MRPS33: variants seen among roughly 807,000 people sequenced by gnomAD.
MRPS33 encodes the protein mitochondrial ribosomal protein S33.
A neutral mutation model predicts 11.2 loss-of-function variants in MRPS33; 11 were observed. The ratio of observed to expected loss-of-function variants is 0.99; its 90% CI spans 0.62 to 1.63. The LOEUF is 1.63. Ranked by LOEUF, MRPS33 falls within the 40% of genes most tolerant of loss-of-function variation. MRPS33 has a pLI of 0.00. For missense variants in MRPS33, 109 were observed against 127.8 expected, an observed-to-expected ratio of 0.85 and a Z score of 0.71; for synonymous variants, 46 against 44.0, an observed-to-expected ratio of 1.05 and a Z score of -0.18.
At chr7:141,012,192 A>AAAAAAAAAAAAAAAC (rs1465577337) in intron 1 of MRPS33, among the ~76,000 whole-genome samples, 1 of 148,512 alleles carries the variant, frequency 6.7e-6, no homozygotes, top group African/African-American at 2.5e-5. Flanking sequence ...AAAAAAAAAA[A>AAAAAAAAAAAAAAAC]AAGCAGAGGC....
intron 2 of MRPS33, chr7:141,010,218 C>A: frequency 1.7e-6 from 1 of 571,954 alleles, no homozygotes; most frequent in Non-Finnish European, 3.1e-6. Flanking sequence ...TATCTTCCAA[C>A]AAGCATGAAT....
In MRPS33 at chr7:141,003,059, A is replaced by C. The variant is rs1054062800; in HGVS notation, c.*3371T>G. The C allele has an allele frequency of 6.6e-6, 1 of 152,330 alleles. No individual in the cohort carries two copies. The highest frequency in any genetic ancestry group is 1.5e-5 in the Non-Finnish European group (1 of 68,130). 9.4% of individuals were successfully genotyped at this position (152,330 alleles called of 1,614,324 possible). A position where few individuals can be genotyped will look rare whatever the true frequency, so the allele number is the denominator to read the frequency against. On this transcript the variant is annotated 3_prime_UTR_variant, in exon 3 of 3. Coordinates refer to ENST00000324787, the MANE Select transcript of MRPS33 (RefSeq NM_053035.3). Reference sequence around the variant, plus strand: ...GAGAAGTAACTGACGTCACATAATCAGTAAGTACACTGTATCACAAACCCA... The same window carrying C: ...GAGAAGTAACTGACGTCACATAATCCGTAAGTACACTGTATCACAAACCCA...
rs1472449995 is a variant in MRPS33 at position 141,006,282 on chromosome 7, GGATTA to G, written c.*143_*147del. The G allele has an allele frequency of 1.6e-5, 11 of 701,280 alleles. No individual in the cohort carries two copies. Among genetic ancestry groups the G allele is most frequent in the Non-Finnish European group, 2.6e-5 (11 of 420,360 alleles). The allele number at this position is 701,280 out of a possible 1,614,324, so 43.4% of individuals were successfully genotyped here. ...TCAAGAAACCAGCCACAATGTAACCGGATTAGATTTCACCAAGGAGATGACTGTGT... is the reference window on the plus strand; with the variant it reads ...TCAAGAAACCAGCCACAATGTAACCGGATTTCACCAAGGAGATGACTGTGT... On this transcript the variant is annotated 3_prime_UTR_variant, in exon 3 of 3. Coordinates refer to ENST00000324787, the MANE Select transcript of MRPS33 (RefSeq NM_053035.3).
At chr7:141,013,955 A>T (rs1820739807) in intron 1 of MRPS33, among the ~76,000 whole-genome samples, 1 of 152,168 alleles carries the variant, frequency 6.6e-6, no homozygotes, top group Non-Finnish European at 1.5e-5. Context: ...CGTTTTGAAA[A>T]CAGTGGAAGT....
chr7:141,011,048 A>G (rs38739), intron 1 of MRPS33, among the ~76,000 whole-genome samples: 9,686 of 152,310 alleles, frequency 0.064, 331 homozygotes, highest in Middle Eastern at 0.11. Flanking sequence ...AGCAATCTGC[A>G]GCATTAATAT....
At chr7:141,012,328 C>T (rs1203902585) in intron 1 of MRPS33, among the ~76,000 whole-genome samples, 1 of 152,156 alleles carries the variant, frequency 6.6e-6, no homozygotes, top group Non-Finnish European at 1.5e-5. Context: ...CCTCCCTCCC[C>T]ACCATCTGCA....
intron 1 of MRPS33, among the ~76,000 whole-genome samples, chr7:141,011,537 G>A (rs1044581131): frequency 1.3e-5 from 2 of 152,070 alleles, no homozygotes; most frequent in Non-Finnish European, 2.9e-5. Flanking sequence ...GAAAGCTGCT[G>A]GTGGAATAAC....
At chr7:141,012,142 A>G (rs1820688588) in intron 1 of MRPS33, among the ~76,000 whole-genome samples, 1 of 128,370 alleles carries the variant, frequency 7.8e-6, no homozygotes, top group Non-Finnish European at 1.6e-5. Context: ...ACTGTACTCT[A>G]TAGCCTGAGT....
At position 141,003,761 on chromosome 7, in the gene MRPS33, A is replaced by T. The variant is rs1246282405; in HGVS notation, c.*2669T>A. On this transcript the variant is annotated 3_prime_UTR_variant, in exon 3 of 3. Coordinates refer to ENST00000324787, the MANE Select transcript of MRPS33 (RefSeq NM_053035.3). ...ATAATTCAAACATCTGCTGAGCTAC[A>T]TTGGGTTCAGGCTGAGATCCTGTTT... is the stretch of plus-strand genomic sequence containing the variant. 6.6e-6 allele frequency: 1 copy of T among 152,256 alleles called. No homozygotes were observed. 9.4% of individuals were successfully genotyped at this position (152,256 alleles called of 1,614,324 possible). A position where few individuals can be genotyped will look rare whatever the true frequency, so the allele number is the denominator to read the frequency against.
chr7:141,011,543 A>G (rs1820674198), intron 1 of MRPS33, among the ~76,000 whole-genome samples: 1 of 152,206 alleles, frequency 6.6e-6, no homozygotes, highest in Non-Finnish European at 1.5e-5. Flanking sequence ...TGCTGGTGGA[A>G]TAACTATCTC....
At chr7:141,012,650 T>C (rs1363185447) in intron 1 of MRPS33, among the ~76,000 whole-genome samples, 1 of 152,244 alleles carries the variant, frequency 6.6e-6, no homozygotes, top group Non-Finnish European at 1.5e-5. Flanking sequence ...TTTGCTTAAT[T>C]ACCATTGTGG....
At chr7:141,014,323 G>C (rs891671749) in intron 1 of MRPS33, 2 of 152,108 alleles carry the variant, frequency 1.3e-5, no homozygotes, top group African/African-American at 4.8e-5. Flanking sequence ...AATCTCAACA[G>C]AATGCTTAAA....
intron 1 of MRPS33, among the ~76,000 whole-genome samples, chr7:141,011,205 G>C (rs922526199): frequency 1.3e-5 from 2 of 152,110 alleles, no homozygotes; most frequent in South Asian, 4.1e-4. Context: ...TGGCTTCTAG[G>C]TTACTGAACT....
intron 1 of MRPS33, among the ~76,000 whole-genome samples, chr7:141,012,401 T>C (rs531769035): frequency 6.6e-6 from 1 of 152,258 alleles, no homozygotes; most frequent in South Asian, 2.1e-4. Flanking sequence ...ATTCACTTCT[T>C]TGCCAACTCT....
intron 1 of MRPS33, among the ~76,000 whole-genome samples, chr7:141,011,884 A>C (rs1462409050): frequency 1.3e-5 from 2 of 152,208 alleles, no homozygotes; most frequent in South Asian, 2.1e-4. Flanking sequence ...ATGGTAGCTC[A>C]TGCCTATAAT....
intron 1 of MRPS33, among the ~76,000 whole-genome samples, chr7:141,011,436 C>T (rs960309475): frequency 6.6e-6 from 1 of 152,128 alleles, no homozygotes; most frequent in African/African-American, 2.4e-5. Flanking sequence ...AGACATACAA[C>T]ACTGAAATGG....
chr7:141,012,173 C>CAAGAAAAAA (rs1820690972), intron 1 of MRPS33, among the ~76,000 whole-genome samples: 2 of 58,782 alleles, frequency 3.4e-5, no homozygotes, highest in African/African-American at 8.0e-5. Context: ...GATTGTGTGT[C>CAAGAAAAAA]AAAAAAAAAA....
At chr7:141,006,773 G>T (rs114915070) in intron 2 of MRPS33, among the ~76,000 whole-genome samples, 160 of 152,264 alleles carry the variant, frequency 1.1e-3, no homozygotes, top group African/African-American at 3.8e-3. Context: ...GCCACAAGCT[G>T]CAGGGAAATT....
intron 1 of MRPS33, among the ~76,000 whole-genome samples, chr7:141,013,199 T>C (rs1820721712): frequency 6.6e-6 from 1 of 152,166 alleles, no homozygotes; most frequent in South Asian, 2.1e-4. Flanking sequence ...CCTTGATAAC[T>C]TGACAAGATA....
Sources: gnomAD v4.1 joint callset for allele counts (sites outside exome capture counted in the v4.1 genomes callset) on GRCh38, gnomAD v4.1.1 for gene constraint, MANE v1.5 for transcripts, NCBI Gene and HGNC (gene_info 2026-07-23, HGNC 2026-07-21) for gene names.